SERGEF: variants seen among roughly 807,000 people sequenced by gnomAD.
The protein encoded by SERGEF is secretion regulating guanine nucleotide exchange factor.
SERGEF carries 51 observed loss-of-function variants against 50.0 expected under a neutral mutation model. The observed-to-expected ratio is 1.02, with a 90% CI of 0.81 to 1.29. The LOEUF is 1.29. Ranked by LOEUF, SERGEF falls within the 50% of genes most tolerant of loss-of-function variation. The probability of loss-of-function intolerance (pLI) is 0.00; values close to 1 mark genes in which losing one functional copy is unlikely to be tolerated. For synonymous variants in SERGEF, 205 were observed against 212.4 expected, an observed-to-expected ratio of 0.97 and a Z score of 0.30; for missense variants, 521 against 557.0, an observed-to-expected ratio of 0.94 and a Z score of 0.65.
At chr11:17,990,789 C>T (rs564452813) in intron 7 of SERGEF, among the ~76,000 whole-genome samples, 1 of 147,958 alleles carries the variant, frequency 6.8e-6, no homozygotes, top group African/African-American at 2.5e-5. Flanking sequence ...TTTTTTGAGA[C>T]GGAGTCTTGC....
rs374303680 is a variant in SERGEF at position 17,884,333 on chromosome 11, G to C, written c.1012-6089C>G. Among the ~76,000 whole-genome samples, 7 of 152,198 alleles carry C rather than the reference G, an allele frequency of 4.6e-5. No individual in the cohort carries two copies. Among genetic ancestry groups the C allele is most frequent in the Admixed American group, 4.6e-4 (7 of 15,284 alleles). On this transcript the variant is annotated intron_variant, in intron 9 of 10. Coordinates refer to ENST00000265965, the MANE Select transcript of SERGEF (RefSeq NM_012139.4). This position sits in a 1 kb window ranked among gnomAD's most constrained non-coding sequence, Gnocchi z 4.6. ...GCACAGCCGCCAGGGTGGGAGAAGC[G>C]TACCAGAAGCAGCTCCAGAATGGCA...
rs1853827939 is a variant in SERGEF at position 17,995,896 on chromosome 11, CA to C, written c.521del (p.Val174GlyfsTer33). ...ATGCCAAACCAGTCCCCCACTGGAACACGATGCCACTCGCTTCCCAACAGAA... is the reference window on the plus strand; with the variant it reads ...ATGCCAAACCAGTCCCCCACTGGAACCGATGCCACTCGCTTCCCAACAGAA... ...HAVAATASGI[V>X]FQWGTGLASC... On this transcript the variant is annotated frameshift_variant, in exon 6 of 11. Transcript: ENST00000265965. LOFTEE classifies it high-confidence loss of function. 6.2e-7 allele frequency: 1 copy of C among 1,612,878 alleles called. No individual in the cohort carries two copies.
chr11:17,976,097 C>T (rs1278276943), intron 8 of SERGEF, among the ~76,000 whole-genome samples: 2 of 152,154 alleles, frequency 1.3e-5, no homozygotes, highest in Admixed American at 6.5e-5. Flanking sequence ...CAAGATCACA[C>T]AGCCAACAAA....
At position 17,815,664 on chromosome 11, in the gene SERGEF, C is replaced by T. The variant is rs76262476; in HGVS notation, c.1049-27251G>A. On this transcript the variant is annotated intron_variant, in intron 10 of 10. Coordinates refer to ENST00000265965, the MANE Select transcript of SERGEF (RefSeq NM_012139.4). ...ACCGGCCGGGCTTGGTAGCTCACAC[C>T]TGTAATCCCAGCACTTTGGGAGGCC... Among the ~76,000 whole-genome samples the T allele has an allele frequency of 2.0e-4, 31 of 151,840 alleles. No individual in the cohort carries two copies. The East Asian group carries it at 5.4e-3, about 27-fold the overall frequency.
intron 10 of SERGEF, among the ~76,000 whole-genome samples, chr11:17,830,764 C>A (rs1850294021): frequency 6.6e-6 from 1 of 151,664 alleles, no homozygotes; most frequent in East Asian, 2.0e-4. Context: ...TAAGGGCAGA[C>A]CTAAACACCT....
chr11:17,843,655 T>A (rs1358367764), intron 10 of SERGEF, among the ~76,000 whole-genome samples: 1 of 152,124 alleles, frequency 6.6e-6, no homozygotes. Flanking sequence ...TATAAAGCCA[T>A]GAGAGCCCAT....
chr11:17,898,667 A>G (rs1297245153), intron 9 of SERGEF, among the ~76,000 whole-genome samples: 1 of 152,226 alleles, frequency 6.6e-6, no homozygotes. Flanking sequence ...ATATTTCATT[A>G]AGAAACATTA....
intron 9 of SERGEF, among the ~76,000 whole-genome samples, chr11:17,924,208 T>C (rs1464203015): frequency 2.0e-5 from 3 of 152,362 alleles, no homozygotes; most frequent in East Asian, 3.9e-4. Context: ...TCTGGAATTA[T>C]GTAATAAATA....
intron 10 of SERGEF, among the ~76,000 whole-genome samples, chr11:17,837,646 A>G (rs926861836): frequency 7.3e-5 from 11 of 150,236 alleles, no homozygotes; most frequent in Non-Finnish European, 1.5e-5. Flanking sequence ...CTATAAGCCA[A>G]GTAAACCTCT....
At chr11:17,996,678 A>C (rs949606665) in intron 5 of SERGEF, among the ~76,000 whole-genome samples, 2 of 152,236 alleles carry the variant, frequency 1.3e-5, no homozygotes, top group Non-Finnish European at 2.9e-5. Context: ...AGTATCCTAT[A>C]AACAGCAGTC....
At chr11:17,898,906 G>A (rs773053232) in intron 9 of SERGEF, among the ~76,000 whole-genome samples, 1 of 151,994 alleles carries the variant, frequency 6.6e-6, no homozygotes, top group African/African-American at 2.4e-5. Flanking sequence ...CATAGGCGTG[G>A]CCCTTCATGA....
rs148050157 is a variant in SERGEF, at chr11:17,948,260, G to C, written c.1011+11210C>G. 7.9e-5 allele frequency among the ~76,000 whole-genome samples: 12 copies of C among 152,246 alleles called. 1 individual carries two copies. In the East Asian group the frequency reaches 2.3e-3, roughly 29 times the overall value. ...TACATTTGTTTATTGCTTCATAGTT[G>C]ATAAAATGCTTTCACATCCCTGACA... On this transcript the variant is annotated intron_variant, in intron 9 of 10. Coordinates refer to ENST00000265965, the MANE Select transcript of SERGEF (RefSeq NM_012139.4).
chr11:18,010,032 T>G lies in SERGEF; in HGVS notation c.61-1956A>C, dbSNP rs762721312. The G allele has an allele frequency of 1.1e-5, 10 of 896,370 alleles. No homozygotes were observed. The South Asian group carries it at 1.6e-4, about 14-fold the overall frequency. The allele number at this position is 896,370 out of a possible 1,614,324, so 55.5% of individuals were successfully genotyped here. A position where few individuals can be genotyped will look rare whatever the true frequency, so the allele number is the denominator to read the frequency against. On this transcript the variant is annotated intron_variant, in intron 1 of 10. Coordinates refer to ENST00000265965, the MANE Select transcript of SERGEF (RefSeq NM_012139.4). ...GATTGTGGACCTGCAGAGAGAATCTTACTAAGATTTCAGAAATCTTTATAA... is the reference window on the plus strand; with the variant it reads ...GATTGTGGACCTGCAGAGAGAATCTGACTAAGATTTCAGAAATCTTTATAA...
chr11:17,941,047 T>C (rs1037908148), intron 9 of SERGEF, among the ~76,000 whole-genome samples: 1 of 152,222 alleles, frequency 6.6e-6, no homozygotes, highest in African/African-American at 2.4e-5. Context: ...ACACTCATAT[T>C]CCTACTACCT....
chr11:17,974,536 G>C (rs1853326822), intron 8 of SERGEF, among the ~76,000 whole-genome samples: 1 of 152,146 alleles, frequency 6.6e-6, no homozygotes, highest in African/African-American at 2.4e-5. Context: ...CTGGTATAAT[G>C]AAATTTATTA....
At chr11:17,999,714 T>C (rs1295481676) in intron 5 of SERGEF, 5 of 355,618 alleles carry the variant, frequency 1.4e-5, no homozygotes, top group Non-Finnish European at 2.7e-5. Flanking sequence ...GGAGACAAGC[T>C]CACTTAAAGC....
At chr11:18,000,698 C>T in intron 4 of SERGEF, 141 bp from the exon 5 acceptor site, 1 of 718,678 alleles carries the variant, frequency 1.4e-6, no homozygotes, top group Non-Finnish European at 2.6e-6. Context: ...AATATTTCCA[C>T]CCATTAATAC....
chr11:17,859,384 T>C (rs949441359), intron 10 of SERGEF, among the ~76,000 whole-genome samples: 6 of 151,956 alleles, frequency 3.9e-5, no homozygotes, highest in Admixed American at 3.3e-4. Context: ...GTCAAAAAAT[T>C]TTCTCACAAA....
intron 10 of SERGEF, among the ~76,000 whole-genome samples, chr11:17,831,090 G>GA (rs549991381): frequency 2.0e-5 from 3 of 151,758 alleles, no homozygotes; most frequent in East Asian, 1.9e-4. Flanking sequence ...TGAGGTCCAG[G>GA]AAAAAAAACT....
Sources: gnomAD v4.1 joint callset for allele counts (sites outside exome capture counted in the v4.1 genomes callset) on GRCh38, gnomAD v4.1.1 for gene constraint, Gnocchi (gnomAD v3.1) non-coding constraint, MANE v1.5 for transcripts, NCBI Gene and HGNC (gene_info 2026-07-23, HGNC 2026-07-21) for gene names.